The following SNTG2 variants were observed in gnomAD, a reference collection of about 807,000 sequenced individuals.
The protein encoded by SNTG2 is syntrophin gamma 2.
In SNTG2, 74 loss-of-function variants were observed where a neutral mutation model predicts 70.9. The observed-to-expected ratio is 1.04, with a 90% CI of 0.86 to 1.27. SNTG2 has a LOEUF of 1.27. Ranked by LOEUF, SNTG2 falls within the 50% of genes most tolerant of loss-of-function variation. The pLI is 0.00. For synonymous variants in SNTG2, 278 were observed against 273.8 expected, an observed-to-expected ratio of 1.02 and a Z score of -0.15; for missense variants, 717 against 690.7, an observed-to-expected ratio of 1.04 and a Z score of -0.43.
intron 11 of SNTG2, among the ~76,000 whole-genome samples, chr2:1,244,499 A>G (rs1677277037): frequency 6.6e-6 from 1 of 152,016 alleles, no homozygotes; most frequent in Non-Finnish European, 1.5e-5. Flanking sequence ...GATTGAGACC[A>G]TCCTGGCTAA....
intron 16 of SNTG2, among the ~76,000 whole-genome samples, chr2:1,337,537 TTTG>T (rs761651703): frequency 1.3e-5 from 2 of 152,264 alleles, no homozygotes; most frequent in African/African-American, 2.4e-5. Flanking sequence ...CAAGTTGTCT[TTTG>T]TTGTTGTTGT....
At chr2:980,587 C>T (rs6707306) in intron 1 of SNTG2, among the ~76,000 whole-genome samples, 46,292 of 151,898 alleles carry the variant, frequency 0.3, 7,454 homozygotes, top group Middle Eastern at 0.41. Flanking sequence ...CTACAGAGCT[C>T]ACATTTTACT....
rs1183238657 is a variant in SNTG2, at chr2:960,091, A to G, written c.72+9023A>G. Among the ~76,000 whole-genome samples, 4 of 152,140 alleles carry G rather than the reference A, an allele frequency of 2.6e-5. No individual in the cohort carries two copies. In the East Asian group the frequency reaches 5.8e-4, roughly 22 times the overall value. On this transcript the variant is annotated intron_variant, in intron 1 of 16. Coordinates refer to ENST00000308624, the MANE Select transcript of SNTG2 (RefSeq NM_018968.4). ...ATCAATTACCATCATCCCCCTGCTTAAGGTTCTTCTGTATCAGTGGAGAGG... is the reference window on the plus strand; with the variant it reads ...ATCAATTACCATCATCCCCCTGCTTGAGGTTCTTCTGTATCAGTGGAGAGG...
chr2:1,206,616 C>G (rs927595046), intron 8 of SNTG2, among the ~76,000 whole-genome samples: 3 of 152,152 alleles, frequency 2.0e-5, no homozygotes, highest in Non-Finnish European at 2.9e-5. Context: ...AAAGTACATT[C>G]AGTGGGACAT....
intron 2 of SNTG2, among the ~76,000 whole-genome samples, chr2:1,086,914 C>T (rs1407503871): frequency 1.3e-5 from 2 of 152,062 alleles, no homozygotes; most frequent in Admixed American, 6.6e-5. Context: ...ATTTAAATAA[C>T]GTGTTAGGTA....
intron 8 of SNTG2, among the ~76,000 whole-genome samples, chr2:1,205,911 A>G (rs1673605430): frequency 6.6e-6 from 1 of 152,294 alleles, no homozygotes; most frequent in African/African-American, 2.4e-5. Context: ...TTTGGGGGTC[A>G]GTTCTTTGGC....
At chr2:1,223,979 G>T (rs548051252) in intron 9 of SNTG2, among the ~76,000 whole-genome samples, 1 of 152,280 alleles carries the variant, frequency 6.6e-6, no homozygotes, top group Non-Finnish European at 1.5e-5. Context: ...CGTCCCTCGA[G>T]CTCTGAAGGC....
At chr2:1,286,433 G>A (rs950450202) in intron 14 of SNTG2, among the ~76,000 whole-genome samples, 2 of 152,224 alleles carry the variant, frequency 1.3e-5, no homozygotes, top group Admixed American at 1.3e-4. Flanking sequence ...CAATCCAGCT[G>A]TTTCCAGCTG....
In SNTG2 at chr2:1,155,246, TACAC is replaced by T. The variant is rs535039896; in HGVS notation, c.412-10297_412-10294del. Among the ~76,000 whole-genome samples, 793 of 144,694 alleles carry T rather than the reference TACAC, an allele frequency of 5.5e-3. 2 individuals are homozygous for T. The highest frequency in any genetic ancestry group is 9.2e-3 in the Non-Finnish European group (610 of 66,438). 94.9% of individuals were successfully genotyped at this position (144,694 alleles called of 152,430 possible). ...AACACCATGCAAATATATATGGACA[TACAC>T]ACACCACACACACATACCCACACCC... On this transcript the variant is annotated intron_variant, in intron 6 of 16. Transcript: ENST00000308624.
chr2:1,247,995 A>G (rs1677534761), intron 12 of SNTG2, among the ~76,000 whole-genome samples: 1 of 152,174 alleles, frequency 6.6e-6, no homozygotes, highest in Admixed American at 6.5e-5. Context: ...TAATGTCTAG[A>G]AGTTTATCAA....
At chr2:1,143,896 G>A (rs4603794) in intron 6 of SNTG2, among the ~76,000 whole-genome samples, 42,421 of 128,776 alleles carry the variant, frequency 0.33, 7,018 homozygotes, top group East Asian at 0.75. Flanking sequence ...CCCCCCCCCA[G>A]AAAAAGAAAA....
chr2:1,337,043 G>A (rs1437901719), intron 16 of SNTG2, among the ~76,000 whole-genome samples: 2 of 151,994 alleles, frequency 1.3e-5, no homozygotes, highest in Non-Finnish European at 2.9e-5. Context: ...AATTGCTTTG[G>A]CCATAGTTTC....
chr2:975,680 T>A, intron 1 of SNTG2, among the ~76,000 whole-genome samples: 1 of 152,164 alleles, frequency 6.6e-6, no homozygotes. Context: ...AACAAAAAAA[T>A]CTAAGCATAA....
At chr2:1,060,507 C>T (rs1314646543) in intron 1 of SNTG2, among the ~76,000 whole-genome samples, 2 of 152,172 alleles carry the variant, frequency 1.3e-5, no homozygotes, top group Non-Finnish European at 2.9e-5. Flanking sequence ...AAATGCCCTT[C>T]TTCTTCACAA....
At chr2:1,292,324 A>G (rs1201956851) in intron 14 of SNTG2, among the ~76,000 whole-genome samples, 1 of 151,590 alleles carries the variant, frequency 6.6e-6, no homozygotes, top group Non-Finnish European at 1.5e-5. Context: ...TTTCTTTCCT[A>G]TTTGGTTGAC....
rs142844658 is a variant in SNTG2, at chr2:1,207,145, A to C, written c.592-1958A>C. On this transcript the variant is annotated intron_variant, in intron 8 of 16. Transcript: ENST00000308624. Reference sequence around the variant, plus strand: ...CAGGTTGCAGTAGTCTATGTAGACAAATGGTATTTCAGCAAAGCTAATATG... The same window carrying C: ...CAGGTTGCAGTAGTCTATGTAGACACATGGTATTTCAGCAAAGCTAATATG... Among the ~76,000 whole-genome samples the C allele has an allele frequency of 7.8e-4, 119 of 152,374 alleles. 2 individuals carry two copies. Among genetic ancestry groups the C allele is most frequent in the African/African-American group, 2.7e-3 (113 of 41,588 alleles).
intron 14 of SNTG2, among the ~76,000 whole-genome samples, chr2:1,277,351 C>T (rs896996886): frequency 1.3e-5 from 2 of 152,150 alleles, no homozygotes; most frequent in African/African-American, 2.4e-5. Flanking sequence ...AGCCACCATC[C>T]GCATCAGTCA....
chr2:951,079 C>T lies in SNTG2; in HGVS notation c.72+11C>T. 1.6e-6 allele frequency: 2 copies of T among 1,238,840 alleles called. No homozygotes were observed. The highest frequency in any genetic ancestry group is 2.0e-6 in the Non-Finnish European group (2 of 992,196). 76.7% of individuals were successfully genotyped at this position (1,238,840 alleles called of 1,614,324 possible). A position where few individuals can be genotyped will look rare whatever the true frequency, so the allele number is the denominator to read the frequency against. On this transcript the variant is annotated intron_variant, in intron 1 of 16. Transcript: ENST00000308624. Reference sequence around the variant, plus strand: ...CTGGTACCTGCGCGGGTGAGTGCGGCCCCTCAGCGCCCCTTCACCTCCGGC... The same window carrying T: ...CTGGTACCTGCGCGGGTGAGTGCGGTCCCTCAGCGCCCCTTCACCTCCGGC...
At chr2:1,115,521 A>T (rs781342266) in intron 4 of SNTG2, among the ~76,000 whole-genome samples, 1 of 139,570 alleles carries the variant, frequency 7.2e-6, no homozygotes, top group African/African-American at 2.7e-5. Context: ...GAGGAGGATC[A>T]TGTGTACTAA....
Sources: allele counts gnomAD v4.1 joint callset (sites outside exome capture counted in the v4.1 genomes callset), GRCh38; gene constraint gnomAD v4.1.1; transcripts MANE v1.5; gene names NCBI Gene and HGNC (gene_info 2026-07-23, HGNC 2026-07-21).